The following PHLPP1 variants were observed in gnomAD, a reference collection of about 807,000 sequenced individuals.
PHLPP1 encodes the protein PH domain leucine-rich repeat-containing protein phosphatase 1.
In PHLPP1, 42 loss-of-function variants were observed where a neutral mutation model predicts 117.2. That is an observed-to-expected ratio of 0.36 (90% confidence interval 0.28 to 0.46). The LOEUF is 0.46. PHLPP1 is among the 20% of genes least tolerant of loss of function. The probability of loss-of-function intolerance (pLI) is 1.00; values close to 1 mark genes in which losing one functional copy is unlikely to be tolerated. For synonymous variants in PHLPP1, 1,042 were observed against 970.7 expected (o/e 1.07, Z -1.37); for missense variants, 2,084 against 2,241.9 (o/e 0.93, Z 1.42).
At chr18:62,957,586 CT>C (rs1372856833) in intron 12 of PHLPP1, among the ~76,000 whole-genome samples, 5 of 151,502 alleles carry the variant, frequency 3.3e-5, no homozygotes, top group Admixed American at 1.3e-4. Context: ...TTTACATGTT[CT>C]TTTCTTTGTT....
chr18:62,862,509 G>A (rs1915658294), intron 4 of PHLPP1, among the ~76,000 whole-genome samples: 1 of 152,196 alleles, frequency 6.6e-6, no homozygotes, highest in African/African-American at 2.4e-5. Context: ...GGCAGCACAT[G>A]CCATCAGTTG....
In PHLPP1 at chr18:62,870,656, CAGGT is replaced by C. The variant is rs919674826; in HGVS notation, c.2066+10059_2066+10062del. Among the ~76,000 whole-genome samples, 19 of 152,272 alleles carry C rather than the reference CAGGT, an allele frequency of 1.2e-4. 1 individual carries two copies. The South Asian group carries it at 2.5e-3, about 20-fold the overall frequency. On this transcript the variant is annotated intron_variant, in intron 4 of 16. Coordinates refer to ENST00000262719, the MANE Select transcript of PHLPP1 (RefSeq NM_194449.4). ...AACTTAAAGTACAATATAATTATAA[CAGGT>C]AGGAGTTCAGAGACATTTTATCTTA...
In PHLPP1 at chr18:62,940,354, C is replaced by CTTTTTTTTTTTTTTTT. The variant is rs66530466; in HGVS notation, c.2961-1351_2961-1336dup. Among the ~76,000 whole-genome samples the CTTTTTTTTTTTTTTTT allele has an allele frequency of 1.7e-3, 79 of 46,820 alleles. 10 individuals carry two copies. Among genetic ancestry groups the CTTTTTTTTTTTTTTTT allele is most frequent in the African/African-American group, 3.2e-3 (33 of 10,398 alleles). The allele number at this position is 46,820 out of a possible 152,430, so 30.7% of individuals were successfully genotyped here. On this transcript the variant is annotated intron_variant, in intron 10 of 16. Coordinates refer to ENST00000262719, the MANE Select transcript of PHLPP1 (RefSeq NM_194449.4). ...ATCCACGTTTCTTTTTCTTTCTTTT[C>CTTTTTTTTTTTTTTTT]TTTTTTTTTTTTTTTTTTTTTTTTT...
intron 6 of PHLPP1, among the ~76,000 whole-genome samples, chr18:62,897,804 G>C (rs1916602724): frequency 6.6e-6 from 1 of 152,106 alleles, no homozygotes; most frequent in African/African-American, 2.4e-5. Context: ...ACCACACCCA[G>C]CCTAATTCTG....
In PHLPP1 at chr18:62,716,295, G is replaced by T. The variant is rs898390510; in HGVS notation, c.612G>T (p.Val204=). The T allele has an allele frequency of 5.2e-6, 8 of 1,531,392 alleles. No homozygotes were observed. In the African/African-American group the frequency reaches 1.1e-4, roughly 21 times the overall value. 94.9% of individuals were successfully genotyped at this position (1,531,392 alleles called of 1,614,324 possible). The change falls in exon 1 of 17, where the codon GTG becomes GTT. Residue 204 remains valine (V), a synonymous_variant. Coordinates refer to ENST00000262719, the MANE Select transcript of PHLPP1 (RefSeq NM_194449.4). The surrounding 1 kb of genome is among the most constrained non-coding windows in gnomAD (Gnocchi z 5.7). ...WVRHQLQRGC[V]HVFDRHMAST... is the part of the protein sequence containing the mutation. ...GGCACCAGCTCCAGCGCGGCTGCGT[G>T]CACGTCTTCGACCGCCACATGGCCT...
At chr18:62,928,758 A>G (rs900759529) in intron 10 of PHLPP1, among the ~76,000 whole-genome samples, 1 of 152,250 alleles carries the variant, frequency 6.6e-6, no homozygotes, top group African/African-American at 2.4e-5. Context: ...TCAAATGTCT[A>G]CCACTTGATT....
intron 4 of PHLPP1, among the ~76,000 whole-genome samples, chr18:62,868,254 A>C (rs1316090874): frequency 6.6e-6 from 1 of 152,230 alleles, no homozygotes; most frequent in Non-Finnish European, 1.5e-5. Context: ...TTATACCGTC[A>C]TCCTTTGACA....
chr18:62,754,602 T>A (rs1357857287), intron 1 of PHLPP1, among the ~76,000 whole-genome samples: 1 of 152,194 alleles, frequency 6.6e-6, no homozygotes, highest in Non-Finnish European at 1.5e-5. Flanking sequence ...GTACTTTGGA[T>A]CCACAGTATC....
At chr18:62,844,538 C>T (rs1915132809) in intron 3 of PHLPP1, among the ~76,000 whole-genome samples, 1 of 152,140 alleles carries the variant, frequency 6.6e-6, no homozygotes, top group Non-Finnish European at 1.5e-5. Flanking sequence ...TTACCATCTC[C>T]TGGCCAGTGG....
At chr18:62,809,528 A>G (rs1163694343) in intron 1 of PHLPP1, among the ~76,000 whole-genome samples, 1 of 152,228 alleles carries the variant, frequency 6.6e-6, no homozygotes, top group East Asian at 1.9e-4. Flanking sequence ...GTGAAACCTC[A>G]TCTCTACTAA....
chr18:62,764,378 A>T (rs747966892), intron 1 of PHLPP1, among the ~76,000 whole-genome samples: 1 of 152,162 alleles, frequency 6.6e-6, no homozygotes, highest in Non-Finnish European at 1.5e-5. Flanking sequence ...TTGGTTACCA[A>T]AATGGGGATG....
chr18:62,900,721 G>T (rs912645602), intron 6 of PHLPP1, among the ~76,000 whole-genome samples: 1 of 151,832 alleles, frequency 6.6e-6, no homozygotes, highest in African/African-American at 2.4e-5. Flanking sequence ...AAAGTGGTAG[G>T]ATTACAGAGT....
At chr18:62,921,912 T>A (rs1256512521) in intron 10 of PHLPP1, among the ~76,000 whole-genome samples, 3 of 152,230 alleles carry the variant, frequency 2.0e-5, no homozygotes, top group Non-Finnish European at 4.4e-5. Context: ...TTTCGTTCTG[T>A]TTTCCTCACT....
chr18:62,716,814 A>G lies in PHLPP1; in HGVS notation c.1131A>G (p.Glu377=). ...GCGGCGGCTCCTCGTCGTCGTCGGA[A>G]GAGCTCGAGGCCGACGCAGCCTCGG... is the stretch of plus-strand genomic sequence containing the variant. ...SSGGGSSSSS[E]ELEADAASAP... The change falls in exon 1 of 17, where the codon GAA becomes GAG. Residue 377 remains glutamate, a synonymous_variant. Coordinates refer to ENST00000262719, the MANE Select transcript of PHLPP1 (RefSeq NM_194449.4). This position sits in a 1 kb window ranked among gnomAD's most constrained non-coding sequence, Gnocchi z 5.7. The G allele has an allele frequency of 6.6e-7, 1 of 1,526,646 alleles. No homozygotes were observed. Among genetic ancestry groups the G allele is most frequent in the Non-Finnish European group, 8.8e-7 (1 of 1,142,638 alleles). 94.6% of individuals were successfully genotyped at this position (1,526,646 alleles called of 1,614,324 possible).
At position 62,945,102 on chromosome 18, in the gene PHLPP1, T is replaced by C. The variant is rs1599134914; in HGVS notation, c.3162-7T>C. The C allele has an allele frequency of 6.4e-7, 1 of 1,565,690 alleles. No individual in the cohort carries two copies. On this transcript the variant is annotated splice_region_variant and splice_polypyrimidine_tract_variant and intron_variant, in intron 11 of 16. Coordinates refer to ENST00000262719, the MANE Select transcript of PHLPP1 (RefSeq NM_194449.4). ...CTTTTAAATTGCTTTATTTTCTCTT[T>C]TTTTAGTAAAATGGCGAAACTGGAG...
chr18:62,719,536 C>G (rs1779201534), intron 1 of PHLPP1, among the ~76,000 whole-genome samples: 1 of 152,164 alleles, frequency 6.6e-6, no homozygotes, highest in African/African-American at 2.4e-5. Flanking sequence ...TGTGTTCCAA[C>G]AGAATATAGG....
intron 3 of PHLPP1, among the ~76,000 whole-genome samples, chr18:62,847,920 A>G (rs968434788): frequency 5.9e-5 from 9 of 152,208 alleles, no homozygotes; most frequent in Non-Finnish European, 1.2e-4. Flanking sequence ...AACGCAAGAA[A>G]ATTCGACTCC....
chr18:62,809,675 C>G (rs1306655755), intron 1 of PHLPP1, among the ~76,000 whole-genome samples: 3 of 151,818 alleles, frequency 2.0e-5, no homozygotes, highest in Non-Finnish European at 4.4e-5. Context: ...GCACTCCAGC[C>G]TGGCGACAGA....
intron 4 of PHLPP1, among the ~76,000 whole-genome samples, chr18:62,879,921 T>A (rs914237120): frequency 2.6e-5 from 4 of 152,160 alleles, no homozygotes; most frequent in African/African-American, 7.2e-5. Flanking sequence ...CTCCTACTCA[T>A]GTTCCTTAGG....
Sources: allele counts gnomAD v4.1 joint callset (sites outside exome capture counted in the v4.1 genomes callset), GRCh38; gene constraint gnomAD v4.1.1; non-coding constraint Gnocchi (gnomAD v3.1); transcripts MANE v1.5; gene names NCBI Gene and HGNC (gene_info 2026-07-23, HGNC 2026-07-21).